The following HNRNPK variants were observed in gnomAD, a reference collection of about 807,000 sequenced individuals.
HNRNPK encodes dC-stretch binding protein.
HNRNPK carries 7 observed loss-of-function variants against 67.0 expected under a neutral mutation model. The observed-to-expected ratio is 0.10, with a 90% CI of 0.06 to 0.20. The LOEUF (loss-of-function observed/expected upper bound fraction) is 0.20, where lower values mean the gene tolerates loss of function less well. HNRNPK is among the 10% of genes least tolerant of loss of function. The pLI is 1.00. For synonymous variants in HNRNPK, 213 were observed against 193.7 expected (o/e 1.10, Z -0.83); for missense variants, 264 against 606.5 (o/e 0.44, Z 5.93).
chr9:83,978,487 T>C, intron 1 of HNRNPK, 35 bp from the exon 2 acceptor site: 1 of 624,378 alleles, frequency 1.6e-6, no homozygotes, highest in Non-Finnish European at 2.3e-6. Flanking sequence ...TTTGCTTTTG[T>C]TTATTCTTAT....
At position 83,971,723 on chromosome 9, in the gene HNRNPK, G is replaced by GC; in HGVS notation, c.956_957insG (p.Asp319GlufsTer6). The stretch of plus-strand genomic sequence containing the variant: ...TCCCTCTTCTGTCATAGGCCATGAG[G>GC]TCTCTGCAAGCATAGTACTTGTTGT... On this transcript the variant is annotated frameshift_variant, in exon 12 of 17. Transcript: ENST00000376263. LOFTEE classifies it high-confidence loss of function. 6.2e-7 allele frequency: 1 copy of GC among 1,613,476 alleles called. No individual in the cohort carries two copies. The highest frequency in any genetic ancestry group is 8.5e-7 in the Non-Finnish European group (1 of 1,179,492).
At chr9:83,976,907 A>T in intron 5 of HNRNPK, 88 bp downstream of exon 5, 1 of 737,418 alleles carries the variant, frequency 1.4e-6, no homozygotes, top group East Asian at 2.5e-5. Context: ...CTAAACTATG[A>T]AATGATTTCT....
rs578075425 is a variant in HNRNPK, at chr9:83,980,147, C to T, written c.-108+6G>A. 2.0e-5 allele frequency: 3 copies of T among 152,722 alleles called. No homozygotes were observed. Among genetic ancestry groups the T allele is most frequent in the African/African-American group, 7.2e-5 (3 of 41,588 alleles). The allele number at this position is 152,722 out of a possible 1,614,324, so 9.5% of individuals were successfully genotyped here. On this transcript the variant is annotated splice_donor_region_variant and intron_variant, in intron 1 of 16. Transcript: ENST00000376263. ...CACGAGCCGCTCCCCCAACCCGGCT[C>T]CTCACCGCGCGAGACTGCCGTCCCT...
At chr9:83,972,239 C>T in intron 10 of HNRNPK, 50 bp from the exon 11 acceptor site, 1 of 1,342,278 alleles carries the variant, frequency 7.5e-7, no homozygotes. Flanking sequence ...AAGAGTCCTG[C>T]TTCATACCAA....
chr9:83,979,551 C>A (rs983089222), intron 1 of HNRNPK, among the ~76,000 whole-genome samples: 3 of 152,212 alleles, frequency 2.0e-5, no homozygotes, highest in Non-Finnish European at 4.4e-5. Context: ...TCAAAAACAG[C>A]CGGGTAACAG....
At position 83,972,792 on chromosome 9, in the gene HNRNPK, T is replaced by C. The variant is rs578077069; in HGVS notation, c.645+52A>G. Reference sequence around the variant, plus strand: ...GCTCTGAAGCTACTTTTGCAGAAGGTTATCACTTTGTTTCATAAAATCAAA... The same window carrying C: ...GCTCTGAAGCTACTTTTGCAGAAGGCTATCACTTTGTTTCATAAAATCAAA... On this transcript the variant is annotated intron_variant, in intron 10 of 16. Transcript: ENST00000376263. The C allele has an allele frequency of 2.1e-6, 3 of 1,434,504 alleles. No individual in the cohort carries two copies. The East Asian group carries it at 7.5e-5, about 36-fold the overall frequency. 88.9% of individuals were successfully genotyped at this position (1,434,504 alleles called of 1,614,324 possible). A position where few individuals can be genotyped will look rare whatever the true frequency, so the allele number is the denominator to read the frequency against.
rs1420801836 is a variant in HNRNPK, at chr9:83,968,875, ATGAC to A, written c.*528_*531del. On this transcript the variant is annotated 3_prime_UTR_variant, in exon 17 of 17. Transcript: ENST00000376263. ...TGGGAAATTCAGCCACCATTTTAAA[ATGAC>A]TGTCTTAAAAAAAAAATGACCACCA... 1.3e-5 allele frequency: 2 copies of A among 153,580 alleles called. No homozygotes were observed. The highest frequency in any genetic ancestry group is 1.3e-4 in the Admixed American group (2 of 15,362). 9.5% of individuals were successfully genotyped at this position (153,580 alleles called of 1,614,324 possible).
chr9:83,976,081 C>G (rs1043480041), intron 5 of HNRNPK, among the ~76,000 whole-genome samples: 2 of 152,096 alleles, frequency 1.3e-5, no homozygotes, highest in Admixed American at 1.3e-4. Flanking sequence ...AATTCCCACA[C>G]CACCAAAAAC....
rs1227525876 is a variant in HNRNPK at position 83,971,745 on chromosome 9, T to C, written c.954-19A>G. ...GAGGTCTCTGCAAGCATAGTACTTG[T>C]TGTAATCTAAACGTGCTTACATGCC... On this transcript the variant is annotated intron_variant, in intron 11 of 16. Transcript: ENST00000376263. 3.1e-6 allele frequency: 5 copies of C among 1,611,900 alleles called. No homozygotes were observed. Among genetic ancestry groups the C allele is most frequent in the African/African-American group, 1.3e-5 (1 of 74,908 alleles).
chr9:83,968,781 C>G lies in HNRNPK; in HGVS notation c.*626G>C, dbSNP rs919392146. On this transcript the variant is annotated 3_prime_UTR_variant, in exon 17 of 17. Transcript: ENST00000376263. ...GCCAAGTTATTTTGCCTATGTCCAA[C>G]AAGAGATGCACTTATATGTCCAACA... 1.3e-5 allele frequency: 2 copies of G among 152,568 alleles called. No homozygotes were observed. Among genetic ancestry groups the G allele is most frequent in the African/African-American group, 4.8e-5 (2 of 41,402 alleles). 9.5% of individuals were successfully genotyped at this position (152,568 alleles called of 1,614,324 possible).
chr9:83,970,006 G>A, intron 16 of HNRNPK, 156 bp downstream of exon 16: 2 of 660,714 alleles, frequency 3.0e-6, no homozygotes, highest in Non-Finnish European at 5.3e-6. Context: ...TAAGAAAGCA[G>A]AAGAAAAATT....
chr9:83,975,568 T>C, intron 5 of HNRNPK, 63 bp from the exon 6 acceptor site: 1 of 1,349,620 alleles, frequency 7.4e-7, no homozygotes, highest in Non-Finnish European at 1.1e-6. Context: ...TCAGAAGTTG[T>C]CAAGTATGGT....
rs1957032594 is a variant in HNRNPK at position 83,975,447 on chromosome 9, A to G, written c.257+15T>C. The G allele has an allele frequency of 6.2e-7, 1 of 1,612,286 alleles. No homozygotes were observed. Among genetic ancestry groups the G allele is most frequent in the Non-Finnish European group, 8.5e-7 (1 of 1,178,386 alleles). On this transcript the variant is annotated intron_variant, in intron 6 of 16. Transcript: ENST00000376263. ...TTTCTAATCAGGCAGTGAGGCATAA[A>G]CTGTTGGGACATACCGCTCGGGGCC...
rs75245400 is a variant in HNRNPK, at chr9:83,975,189, G to A, written c.257+273C>T. Among the ~76,000 whole-genome samples, 34 of 152,298 alleles carry A rather than the reference G, an allele frequency of 2.2e-4. 1 individual carries two copies. The East Asian group carries it at 6.5e-3, about 29-fold the overall frequency. The stretch of plus-strand genomic sequence containing the variant: ...GGTGGGCCACAAAGACAGAGCGAGA[G>A]ACTATTTTGGTAACAATTTGATTTA... On this transcript the variant is annotated intron_variant, in intron 6 of 16. Coordinates refer to ENST00000376263, the MANE Select transcript of HNRNPK (RefSeq NM_031263.4).
chr9:83,968,552 A>G lies in HNRNPK; in HGVS notation c.*855T>C, dbSNP rs540115160. The G allele has an allele frequency of 6.5e-6, 1 of 152,726 alleles. No homozygotes were observed. Among genetic ancestry groups the G allele is most frequent in the African/African-American group, 2.4e-5 (1 of 41,578 alleles). The allele number at this position is 152,726 out of a possible 1,614,324, so 9.5% of individuals were successfully genotyped here. On this transcript the variant is annotated 3_prime_UTR_variant, in exon 17 of 17. Transcript: ENST00000376263. ...TTGCTGCCAATCAGAATTCTGGTAT[A>G]TACTCATACCATTACTCAACTTGTA...
chr9:83,973,597 T>C (rs990594097), intron 8 of HNRNPK, among the ~76,000 whole-genome samples, 198 bp from the exon 9 acceptor site: 2 of 152,188 alleles, frequency 1.3e-5, no homozygotes, highest in African/African-American at 4.8e-5. Context: ...TAAAAAACTA[T>C]TTTATTTTCA....
At position 83,977,738 on chromosome 9, in the gene HNRNPK, G is replaced by A; in HGVS notation, c.107C>T (p.Ser36Phe). The change falls in exon 4 of 17, where the codon TCT (serine) becomes TTT (phenylalanine). Residue 36 changes from serine to phenylalanine, a missense_variant. Ser to Phe is a radical substitution (Grantham distance 155). This residue lies in a region of HNRNPK where 32 missense variants were observed against 45.6 expected (regional missense o/e 0.70). Coordinates refer to ENST00000376263, the MANE Select transcript of HNRNPK (RefSeq NM_031263.4). ...DMEEEQAFKRSRNTDEMVELR... is the reference protein window; with the variant it reads ...DMEEEQAFKRFRNTDEMVELR... The stretch of plus-strand genomic sequence containing the variant: ...TTCAACCATCTCATCAGTGTTTCTA[G>A]ATCTTTTAAATGCTTGTTCCTCTTC... 6.2e-7 allele frequency: 1 copy of A among 1,609,624 alleles called. No homozygotes were observed. The highest frequency in any genetic ancestry group is 1.1e-5 in the South Asian group (1 of 90,912).
Position 83,974,567 on chromosome 9 carries a change from T to A in HNRNPK, c.280A>T (p.Ile94Phe). 6.2e-7 allele frequency: 1 copy of A among 1,605,256 alleles called. No homozygotes were observed. The highest frequency in any genetic ancestry group is 8.5e-7 in the Non-Finnish European group (1 of 1,174,654). ...PERILSISAD[I>F]ETIGEILKKI... The stretch of plus-strand genomic sequence containing the variant: ...TTCAGAATTTCTCCAATTGTTTCAA[T>A]ATCAGCACTGATACTCAATATGCTG... Residue 94 changes from isoleucine (I) to phenylalanine (F), a missense_variant, in exon 7 of 17, where the codon ATT becomes TTT. Physicochemically the swap from Ile to Phe is conservative, Grantham distance 21. This residue lies in a region of HNRNPK where 39 missense variants were observed against 54.4 expected (regional missense o/e 0.72). Transcript: ENST00000376263.
chr9:83,977,812 A>G (rs1383397461), intron 3 of HNRNPK, 26 bp from the exon 4 acceptor site: 1 of 1,418,110 alleles, frequency 7.1e-7, no homozygotes, highest in African/African-American at 1.4e-5. Flanking sequence ...TCACATTTCA[A>G]AGAAAGCAGC....
Sources: allele counts gnomAD v4.1 joint callset (sites outside exome capture counted in the v4.1 genomes callset), GRCh38; gene constraint gnomAD v4.1.1; regional missense constraint gnomAD v4.1.1; transcripts MANE v1.5; gene names NCBI Gene and HGNC (gene_info 2026-07-23, HGNC 2026-07-21).